The following NFIB variants were observed in gnomAD, a reference collection of about 807,000 sequenced individuals.
The protein encoded by NFIB is nuclear factor I B, also known as nuclear factor 1 B-type.
NFIB carries 11 observed loss-of-function variants against 61.5 expected under a neutral mutation model. The observed-to-expected ratio is 0.18, with a 90% CI of 0.11 to 0.30. The LOEUF (loss-of-function observed/expected upper bound fraction) is 0.30, where lower values mean the gene tolerates loss of function less well. Ranked by LOEUF, NFIB falls within the 10% of genes least tolerant of loss-of-function variation. The probability of loss-of-function intolerance (pLI) is 1.00; values close to 1 mark genes in which losing one functional copy is unlikely to be tolerated. For missense variants in NFIB, 471 were observed against 608.9 expected, an observed-to-expected ratio of 0.77 and a Z score of 2.38; for synonymous variants, 260 against 216.5, an observed-to-expected ratio of 1.20 and a Z score of -1.76.
At chr9:14,389,253 C>A (rs1243444751) in intron 1 of NFIB, among the ~76,000 whole-genome samples, 1 of 152,102 alleles carries the variant, frequency 6.6e-6, no homozygotes, top group African/African-American at 2.4e-5. Flanking sequence ...GCTCATGATT[C>A]TTTTGTTTTC....
the NFIB span, among the ~76,000 whole-genome samples, chr9:14,432,699 G>A: frequency 6.6e-6 from 1 of 152,196 alleles, no homozygotes; most frequent in African/African-American, 2.4e-5. Context: ...AGGGGCAAGG[G>A]GTGAGGACTG....
intron 1 of NFIB, among the ~76,000 whole-genome samples, chr9:14,380,008 A>C (rs990460855): frequency 6.6e-6 from 1 of 152,054 alleles, no homozygotes; most frequent in East Asian, 1.9e-4. Context: ...AATTGAAGAA[A>C]ACAAAGTCTC....
At chr9:14,466,977 C>T in the NFIB span, among the ~76,000 whole-genome samples, 3,439 of 152,268 alleles carry the variant, frequency 0.023, 131 homozygotes, top group African/African-American at 0.078. Context: ...TCCAGGACCA[C>T]AGCTGAGGCT....
intron 2 of NFIB, among the ~76,000 whole-genome samples, chr9:14,285,834 T>C (rs117871822): frequency 6.6e-6 from 1 of 152,170 alleles, no homozygotes; most frequent in East Asian, 1.9e-4. Flanking sequence ...CACTTAAGCA[T>C]CAGGTCACTA....
intron 1 of NFIB, among the ~76,000 whole-genome samples, chr9:14,392,025 C>T (rs919158968): frequency 2.0e-5 from 3 of 152,146 alleles, no homozygotes; most frequent in African/African-American, 7.2e-5. Context: ...AACAGACTTC[C>T]TCCCAAAAAC....
At position 14,306,946 on chromosome 9, in the gene NFIB, G is replaced by T. The variant is rs562240389; in HGVS notation, c.562+43C>A. 5 of 1,600,542 alleles carry T rather than the reference G, an allele frequency of 3.1e-6. No individual in the cohort carries two copies. The African/African-American group carries it at 5.3e-5, about 17-fold the overall frequency. ...GATACTCTGTCTACGGAGATTTGTAGGCGGTGTTTGCCGTGCTAGAAAAAA... is the reference window on the plus strand; with the variant it reads ...GATACTCTGTCTACGGAGATTTGTATGCGGTGTTTGCCGTGCTAGAAAAAA... On this transcript the variant is annotated intron_variant, in intron 2 of 10. Coordinates refer to ENST00000380953, the MANE Select transcript of NFIB (RefSeq NM_001190737.2).
chr9:14,522,541 T>C, the NFIB span, among the ~76,000 whole-genome samples: 1 of 152,186 alleles, frequency 6.6e-6, no homozygotes, highest in Non-Finnish European at 1.5e-5. Context: ...CGATTCCACC[T>C]AACAGGAAAC....
At chr9:14,398,116 G>A (rs1365372397) in intron 1 of NFIB, among the ~76,000 whole-genome samples, 1 of 151,940 alleles carries the variant, frequency 6.6e-6, no homozygotes, top group East Asian at 1.9e-4. Flanking sequence ...GGCTTAGAGT[G>A]GGGTAAAATA....
chr9:14,479,409 A>G, the NFIB span, among the ~76,000 whole-genome samples: 2 of 152,302 alleles, frequency 1.3e-5, no homozygotes, highest in South Asian at 2.1e-4. Context: ...CCATCCTTCA[A>G]TCTACAGGCT....
the NFIB span, among the ~76,000 whole-genome samples, chr9:14,465,431 G>T: frequency 6.6e-6 from 1 of 152,146 alleles, no homozygotes; most frequent in Admixed American, 6.5e-5. Context: ...TGACTAATCA[G>T]AAGGAAATCT....
chr9:14,228,158 C>T (rs933996443), intron 2 of NFIB, among the ~76,000 whole-genome samples: 1 of 149,350 alleles, frequency 6.7e-6, no homozygotes, highest in South Asian at 2.1e-4. Flanking sequence ...TCATATGCAT[C>T]AAAGATATTA....
chr9:14,288,669 TATA>T (rs1443524206), intron 2 of NFIB, among the ~76,000 whole-genome samples: 1 of 152,096 alleles, frequency 6.6e-6, no homozygotes, highest in Non-Finnish European at 1.5e-5. Context: ...TCTAACTATA[TATA>T]GTAGTTGGTG....
intron 2 of NFIB, among the ~76,000 whole-genome samples, chr9:14,218,958 T>C (rs1183695128): frequency 6.6e-6 from 1 of 152,180 alleles, no homozygotes; most frequent in Non-Finnish European, 1.5e-5. Context: ...CTTAAAATCA[T>C]TCCTCTCATG....
chr9:14,171,895 G>A (rs545192386), intron 3 of NFIB, among the ~76,000 whole-genome samples: 8 of 152,178 alleles, frequency 5.3e-5, no homozygotes, highest in East Asian at 3.9e-4. Context: ...TTTAAAAATC[G>A]CAAGGTACTG....
At chr9:14,319,674 T>G (rs1415814869) in intron 1 of NFIB, among the ~76,000 whole-genome samples, 1 of 152,200 alleles carries the variant, frequency 6.6e-6, no homozygotes, top group East Asian at 1.9e-4. Context: ...TTAAGACAGG[T>G]ATAGAAAGCT....
At chr9:14,339,660 C>A (rs1564017650) in intron 1 of NFIB, among the ~76,000 whole-genome samples, 2 of 152,190 alleles carry the variant, frequency 1.3e-5, no homozygotes, top group Admixed American at 1.3e-4. Flanking sequence ...AGAACTAACA[C>A]TGACCCCAGC....
the NFIB span, among the ~76,000 whole-genome samples, chr9:14,494,642 G>A: frequency 6.6e-6 from 1 of 152,132 alleles, no homozygotes; most frequent in Non-Finnish European, 1.5e-5. Flanking sequence ...CTTCTGCTTC[G>A]CTTTCATTTC....
At chr9:14,284,130 T>C (rs1276466851) in intron 2 of NFIB, among the ~76,000 whole-genome samples, 1 of 152,188 alleles carries the variant, frequency 6.6e-6, no homozygotes, top group Admixed American at 6.5e-5. Flanking sequence ...TTATTCAAGA[T>C]ATTTAACCTC....
At chr9:14,264,396 A>G (rs1472568729) in intron 2 of NFIB, among the ~76,000 whole-genome samples, 1 of 152,218 alleles carries the variant, frequency 6.6e-6, no homozygotes, top group Non-Finnish European at 1.5e-5. Context: ...TACGTGCCCA[A>G]TAAATAATGT....
Sources: allele counts gnomAD v4.1 joint callset (sites outside exome capture counted in the v4.1 genomes callset), GRCh38; gene constraint gnomAD v4.1.1; transcripts MANE v1.5; gene names NCBI Gene and HGNC (gene_info 2026-07-23, HGNC 2026-07-21).